The following CSMD1 variants were observed in gnomAD, a reference collection of about 807,000 sequenced individuals.
CSMD1 encodes CUB and Sushi multiple domains 1.
CSMD1 carries 213 observed loss-of-function variants against 417.5 expected under a neutral mutation model. The ratio of observed to expected loss-of-function variants is 0.51; its 90% CI spans 0.46 to 0.57. The LOEUF is 0.57. CSMD1 is among the 20% of genes least tolerant of loss of function. CSMD1 has a pLI of 0.00. For synonymous variants in CSMD1, 2,862 were observed against 1,736.8 expected (o/e 1.65, Z -16.11); for missense variants, 6,923 against 4,529.7 (o/e 1.53, Z -15.17).
Position 4,494,401 on chromosome 8 carries a change from T to G in CSMD1, c.303-74336A>C, listed in dbSNP as rs77150575. 6.9e-3 allele frequency among the ~76,000 whole-genome samples: 1,055 copies of G among 152,334 alleles called. 20 individuals are homozygous for G. Among genetic ancestry groups the G allele is most frequent in the African/African-American group, 0.024 (999 of 41,582 alleles). On this transcript the variant is annotated intron_variant, in intron 2 of 69. Transcript: ENST00000635120. The stretch of plus-strand genomic sequence containing the variant: ...AATATGAATAGATTTTCTATTTTAA[T>G]ATTCACAAGTCAGTTTCCCTACAAT...
At chr8:3,394,591 A>G (rs1297293993) in intron 17 of CSMD1, among the ~76,000 whole-genome samples, 5 of 150,650 alleles carry the variant, frequency 3.3e-5, no homozygotes, top group Non-Finnish European at 5.9e-5. Flanking sequence ...TTCATGCACT[A>G]TATATCTAAG....
At chr8:4,710,361 T>G (rs1402872640) in intron 1 of CSMD1, among the ~76,000 whole-genome samples, 1 of 148,950 alleles carries the variant, frequency 6.7e-6, no homozygotes, top group Non-Finnish European at 1.5e-5. Context: ...AATTATATAT[T>G]TAAATAAACA....
At chr8:4,602,352 A>C (rs1800635164) in intron 2 of CSMD1, among the ~76,000 whole-genome samples, 1 of 152,174 alleles carries the variant, frequency 6.6e-6, no homozygotes, top group South Asian at 2.1e-4. Context: ...AAGGAAGCTG[A>C]AACAGAAGCT....
intron 12 of CSMD1, among the ~76,000 whole-genome samples, chr8:3,423,097 T>C (rs1001203407): frequency 2.6e-5 from 4 of 152,224 alleles, no homozygotes; most frequent in Non-Finnish European, 4.4e-5. Flanking sequence ...TTAAATTATT[T>C]TGGGGTCACT....
At chr8:4,748,017 C>G (rs1195210130) in intron 1 of CSMD1, among the ~76,000 whole-genome samples, 3 of 152,226 alleles carry the variant, frequency 2.0e-5, no homozygotes, top group African/African-American at 7.2e-5. Context: ...AGTTATCCAT[C>G]TTCCAAACTC....
chr8:4,249,473 A>G (rs2128829545), intron 3 of CSMD1, among the ~76,000 whole-genome samples: 1 of 152,364 alleles, frequency 6.6e-6, no homozygotes, highest in South Asian at 2.1e-4. Context: ...TGATGTAAAC[A>G]GGGTTAAACA....
intron 1 of CSMD1, among the ~76,000 whole-genome samples, chr8:4,834,291 C>T (rs1414680805): frequency 6.6e-6 from 1 of 152,074 alleles, no homozygotes; most frequent in Non-Finnish European, 1.5e-5. Context: ...CATTTATGTG[C>T]TACACGTTAC....
At chr8:4,631,826 C>G (rs370025270) in intron 2 of CSMD1, among the ~76,000 whole-genome samples, 4 of 152,010 alleles carry the variant, frequency 2.6e-5, no homozygotes, top group South Asian at 2.1e-4. Context: ...TTAGAAAGAC[C>G]GACGAACTCG....
At chr8:3,314,467 G>C (rs970971777) in intron 23 of CSMD1, among the ~76,000 whole-genome samples, 1 of 151,976 alleles carries the variant, frequency 6.6e-6, no homozygotes, top group Admixed American at 6.6e-5. Context: ...CACAAATACT[G>C]GTTCTGTATT....
At chr8:3,179,941 G>C (rs1165142668) in intron 37 of CSMD1, among the ~76,000 whole-genome samples, 1 of 152,170 alleles carries the variant, frequency 6.6e-6, no homozygotes, top group Non-Finnish European at 1.5e-5. Flanking sequence ...CCTGTGGTTT[G>C]TGCCTGGCTT....
intron 3 of CSMD1, among the ~76,000 whole-genome samples, chr8:4,060,531 A>G (rs1035842388): frequency 2.0e-5 from 3 of 152,184 alleles, no homozygotes; most frequent in Non-Finnish European, 4.4e-5. Flanking sequence ...ATGTCGGAGA[A>G]GGAGTGTGGC....
chr8:4,368,889 C>A (rs535258463), intron 3 of CSMD1, among the ~76,000 whole-genome samples: 2 of 152,128 alleles, frequency 1.3e-5, no homozygotes, highest in East Asian at 1.9e-4. Flanking sequence ...CTTATTTAAT[C>A]CTTCAAATCA....
At chr8:3,941,247 T>G (rs1810862899) in intron 5 of CSMD1, among the ~76,000 whole-genome samples, 1 of 152,138 alleles carries the variant, frequency 6.6e-6, no homozygotes, top group Admixed American at 6.6e-5. Flanking sequence ...AATTAAACAT[T>G]TAGCTGAAAC....
chr8:4,600,735 C>G (rs950012505), intron 2 of CSMD1, among the ~76,000 whole-genome samples: 1 of 152,064 alleles, frequency 6.6e-6, no homozygotes, highest in Admixed American at 6.5e-5. Context: ...AGGGTGTAAA[C>G]TCATCTGCTC....
At chr8:3,228,900 G>C (rs762363331) in intron 27 of CSMD1, among the ~76,000 whole-genome samples, 3 of 151,972 alleles carry the variant, frequency 2.0e-5, no homozygotes, top group Non-Finnish European at 4.4e-5. Context: ...GCAGTCTCCC[G>C]GTGACTCAGC....
intron 3 of CSMD1, among the ~76,000 whole-genome samples, chr8:4,141,701 G>C (rs1167438911): frequency 6.6e-6 from 1 of 151,090 alleles, no homozygotes; most frequent in Non-Finnish European, 1.5e-5. Flanking sequence ...TTGGAGAGCA[G>C]GCAATTCTGA....
chr8:4,850,274 A>G (rs2116826560), intron 1 of CSMD1, among the ~76,000 whole-genome samples: 1 of 152,160 alleles, frequency 6.6e-6, no homozygotes, highest in South Asian at 2.1e-4. Flanking sequence ...ATCCTTTATC[A>G]GATACACAAT....
At chr8:4,636,643 CTGTTTCACAGATCT>C (rs1802829276) in intron 2 of CSMD1, among the ~76,000 whole-genome samples, 1 of 152,216 alleles carries the variant, frequency 6.6e-6, no homozygotes, top group Non-Finnish European at 1.5e-5. Flanking sequence ...CTTGACAACT[CTGTTTCACAGATCT>C]TGAACAATAT....
At chr8:4,033,346 G>A (rs991981803) in intron 3 of CSMD1, among the ~76,000 whole-genome samples, 2 of 152,234 alleles carry the variant, frequency 1.3e-5, no homozygotes, top group South Asian at 2.1e-4. Context: ...GGAGGCTGAG[G>A]CAGGAGAATG....
Sources: allele counts gnomAD v4.1 joint callset (sites outside exome capture counted in the v4.1 genomes callset), GRCh38; gene constraint gnomAD v4.1.1; transcripts MANE v1.5; gene names NCBI Gene and HGNC (gene_info 2026-07-23, HGNC 2026-07-21).